The following MTREX variants were observed in gnomAD, a reference collection of about 807,000 sequenced individuals.
MTREX encodes the protein exosome RNA helicase MTR4.
In MTREX, 76 loss-of-function variants were observed where a neutral mutation model predicts 135.4. The ratio of observed to expected loss-of-function variants is 0.56; its 90% CI spans 0.47 to 0.68. The LOEUF (loss-of-function observed/expected upper bound fraction) is 0.68. MTREX is among the 30% of genes least tolerant of loss of function. The pLI, the probability that MTREX is intolerant of heterozygous loss-of-function variation, is 0.00. For missense variants in MTREX, 920 were observed against 1,262.1 expected (o/e 0.73, Z 4.11); for synonymous variants, 404 against 401.6 (o/e 1.01, Z -0.07).
At chr5:55,324,082 T>C in intron 2 of MTREX, 50 bp from the exon 3 acceptor site, 1 of 1,346,328 alleles carries the variant, frequency 7.4e-7, no homozygotes, top group Non-Finnish European at 1.0e-6. Context: ...TATTATCAAA[T>C]TATAGAAAAG....
At chr5:55,395,638 C>T (rs1750634663) in intron 19 of MTREX, among the ~76,000 whole-genome samples, 1 of 152,028 alleles carries the variant, frequency 6.6e-6, no homozygotes, top group African/African-American at 2.4e-5. Context: ...GCAGATAGCA[C>T]CTTAATTGAA....
intron 16 of MTREX, among the ~76,000 whole-genome samples, chr5:55,372,248 C>T (rs1038934804): frequency 2.0e-5 from 3 of 151,896 alleles, no homozygotes; most frequent in Non-Finnish European, 2.9e-5. Context: ...CGTGTTGTTA[C>T]GGATGGTATT....
At chr5:55,331,792 G>C (rs1749479004) in intron 5 of MTREX, among the ~76,000 whole-genome samples, 1 of 152,124 alleles carries the variant, frequency 6.6e-6, no homozygotes, top group African/African-American at 2.4e-5. Flanking sequence ...ACTGCAGTTT[G>C]GAAAATCTAG....
chr5:55,375,111 G>C (rs879891622), intron 16 of MTREX, among the ~76,000 whole-genome samples: 3 of 152,146 alleles, frequency 2.0e-5, no homozygotes, highest in Non-Finnish European at 4.4e-5. Context: ...ATATCACAAG[G>C]CAAGTGGAGG....
rs976118928 is a variant in MTREX, at chr5:55,398,884, G to C, written c.2293-1349G>C. Among the ~76,000 whole-genome samples the C allele has an allele frequency of 5.3e-5, 8 of 152,036 alleles. No homozygotes were observed. In the Middle Eastern group the frequency reaches 0.01, roughly 194 times the overall value. ...AACAAAGTTAGACTATTTTTTTCTT[G>C]GTTCTTCATAGTCGTTTACATCATT... On this transcript the variant is annotated intron_variant, in intron 20 of 26. Coordinates refer to ENST00000230640, the MANE Select transcript of MTREX (RefSeq NM_015360.5).
At chr5:55,399,339 T>C (rs932028031) in intron 20 of MTREX, among the ~76,000 whole-genome samples, 1 of 152,190 alleles carries the variant, frequency 6.6e-6, no homozygotes, top group Admixed American at 6.5e-5. Context: ...AATCCTACCT[T>C]ATCTTTAAGG....
chr5:55,376,556 A>G (rs1440928965), intron 16 of MTREX, among the ~76,000 whole-genome samples: 2 of 152,208 alleles, frequency 1.3e-5, no homozygotes, highest in Non-Finnish European at 2.9e-5. Flanking sequence ...TAAAGTGAAA[A>G]CAAATCTCTT....
intron 16 of MTREX, among the ~76,000 whole-genome samples, chr5:55,376,651 A>G (rs1750305472): frequency 6.6e-6 from 1 of 152,252 alleles, no homozygotes; most frequent in African/African-American, 2.4e-5. Flanking sequence ...ATCTAAATAG[A>G]ATACAATGTG....
intron 5 of MTREX, chr5:55,329,290 C>T (rs1749430862): frequency 6.6e-6 from 1 of 152,148 alleles, no homozygotes; most frequent in Admixed American, 6.6e-5. Flanking sequence ...CTCAGCCTTC[C>T]TAGTAGATGG....
intron 18 of MTREX, among the ~76,000 whole-genome samples, chr5:55,387,080 AACC>A (rs1222609438): frequency 2.0e-5 from 3 of 152,158 alleles, no homozygotes; most frequent in African/African-American, 7.2e-5. Flanking sequence ...CCTTTAAAAT[AACC>A]ACATTTTGAA....
chr5:55,330,811 A>T lies in MTREX; in HGVS notation c.515+2000A>T, dbSNP rs566924946. Among the ~76,000 whole-genome samples, 17 of 152,236 alleles carry T rather than the reference A, an allele frequency of 1.1e-4. 1 individual carries two copies. In the South Asian group the frequency reaches 3.5e-3, roughly 32 times the overall value. On this transcript the variant is annotated intron_variant, in intron 5 of 26. Coordinates refer to ENST00000230640, the MANE Select transcript of MTREX (RefSeq NM_015360.5). ...CTTTATTTCTTTGAGGACTCAAGTT[A>T]TACTTACAGCAGGCCCCTTTAAGTT...
At chr5:55,350,344 G>A (rs975001531) in intron 12 of MTREX, among the ~76,000 whole-genome samples, 3 of 152,140 alleles carry the variant, frequency 2.0e-5, no homozygotes, top group Non-Finnish European at 2.9e-5. Flanking sequence ...CTTGCTATTT[G>A]AAAAGGGTAT....
Position 55,358,533 on chromosome 5 carries a change from T to A in MTREX, c.1534-40T>A, listed in dbSNP as rs762495020. 8 of 1,533,062 alleles carry A rather than the reference T, an allele frequency of 5.2e-6. No homozygotes were observed. The Admixed American group carries it at 1.8e-4, about 35-fold the overall frequency. 95.0% of individuals were successfully genotyped at this position (1,533,062 alleles called of 1,614,324 possible). ...ATTTTAAGAATATGTTTTTTACCAGTTTTTTTCCTAAACTCTGAATTTTAA... is the reference window on the plus strand; with the variant it reads ...ATTTTAAGAATATGTTTTTTACCAGATTTTTTCCTAAACTCTGAATTTTAA... On this transcript the variant is annotated intron_variant, in intron 14 of 26. Coordinates refer to ENST00000230640, the MANE Select transcript of MTREX (RefSeq NM_015360.5).
chr5:55,318,935 T>C (rs976360012), intron 1 of MTREX, among the ~76,000 whole-genome samples: 2 of 152,166 alleles, frequency 1.3e-5, no homozygotes, highest in African/African-American at 2.4e-5. Context: ...ATTTCAGACT[T>C]AGAGAAAATA....
At chr5:55,322,508 G>GTGGT (rs1349061907) in intron 2 of MTREX, 44 bp downstream of exon 2, 6 of 1,454,330 alleles carry the variant, frequency 4.1e-6, no homozygotes, top group Non-Finnish European at 5.5e-6. Flanking sequence ...CATAATTCAG[G>GTGGT]TGGTTACATG....
chr5:55,357,227 T>C (rs1490960675), intron 14 of MTREX: 1 of 152,912 alleles, frequency 6.5e-6, no homozygotes, highest in Non-Finnish European at 1.5e-5. Context: ...GCTCCATGCA[T>C]ACCACTTGGC....
chr5:55,409,794 GTAT>G (rs1213191795), intron 22 of MTREX, among the ~76,000 whole-genome samples: 6 of 152,198 alleles, frequency 3.9e-5, no homozygotes, highest in Non-Finnish European at 7.3e-5. Context: ...ATCTAGAATT[GTAT>G]TTCCTAGATG....
At chr5:55,345,310 A>C in intron 10 of MTREX, 114 bp downstream of exon 10, 1 of 676,246 alleles carries the variant, frequency 1.5e-6, no homozygotes, top group South Asian at 1.8e-5. Flanking sequence ...TCTAGACGAT[A>C]TGTGATAAAA....
intron 1 of MTREX, among the ~76,000 whole-genome samples, chr5:55,308,492 A>C (rs1202651829): frequency 6.6e-6 from 1 of 152,132 alleles, no homozygotes; most frequent in African/African-American, 2.4e-5. Context: ...AAAAGGTGAA[A>C]AGGTTTAGAA....
Sources: allele counts gnomAD v4.1 joint callset (sites outside exome capture counted in the v4.1 genomes callset), GRCh38; gene constraint gnomAD v4.1.1; transcripts MANE v1.5; gene names NCBI Gene and HGNC (gene_info 2026-07-23, HGNC 2026-07-21).